KIF17: variants seen among roughly 807,000 people sequenced by gnomAD.
The protein encoded by KIF17 is kinesin family member 17.
Under a neutral mutation model 96.8 loss-of-function variants are expected in KIF17, and 80 were observed. The observed-to-expected ratio is 0.83, with a 90% CI of 0.69 to 1.00. The LOEUF is 1.00. Ranked by LOEUF, KIF17 falls within the 50% of genes least tolerant of loss-of-function variation. The pLI is 0.00. For missense variants in KIF17, 1,280 were observed against 1,372.9 expected (o/e 0.93, Z 1.07); for synonymous variants, 567 against 587.5 (o/e 0.97, Z 0.51).
chr1:20,707,787 A>ATGTATGTGTGTGTGTGTGTG (rs2054367537), intron 4 of KIF17, among the ~76,000 whole-genome samples: 1 of 124,568 alleles, frequency 8.0e-6, no homozygotes, highest in Admixed American at 8.8e-5. Context: ...ACCAATGTGT[A>ATGTATGTGTGTGTGTGTGTG]TGTGTGTGTG....
At chr1:20,688,045 TTTTTTTTTTG>T (rs1045076667) in intron 7 of KIF17, 101 bp from the exon 8 acceptor site, 3 of 956,832 alleles carry the variant, frequency 3.1e-6, no homozygotes, top group African/African-American at 3.5e-5. Context: ...TTTTTGTTTG[TTTTTTTTTTG>T]TTTTTTTTTG....
rs747529545 is a variant in KIF17 at position 20,717,707 on chromosome 1, G to A, written c.-1C>T. 1.4e-5 allele frequency: 22 copies of A among 1,577,330 alleles called. No individual in the cohort carries two copies. Among genetic ancestry groups the A allele is most frequent in the South Asian group, 7.9e-5 (7 of 88,594 alleles). On this transcript the variant is annotated 5_prime_UTR_variant, in exon 1 of 15. Coordinates refer to ENST00000400463, the MANE Select transcript of KIF17 (RefSeq NM_001122819.3). Reference sequence around the variant, plus strand: ...CAACCTTCACCGCCTCGGAGGCCATGGCGCCGCGCCCAGGACCAACGGGAC... The same window carrying A: ...CAACCTTCACCGCCTCGGAGGCCATAGCGCCGCGCCCAGGACCAACGGGAC...
intron 4 of KIF17, among the ~76,000 whole-genome samples, chr1:20,706,195 T>C (rs1215563289): frequency 6.6e-6 from 1 of 150,558 alleles, no homozygotes; most frequent in Admixed American, 6.6e-5. Context: ...CATGAGCCAC[T>C]GTGCCCAGAC....
Position 20,672,054 on chromosome 1 carries a change from C to T in KIF17, c.2606G>A (p.Arg869His), listed in dbSNP as rs772247964. ...QLLEQVQPLIRRDCNYSNLEK... is the reference protein window; with the variant it reads ...QLLEQVQPLIHRDCNYSNLEK... ...CAGGTTGCTGTAGTTACAGTCCCTG[C>T]GAATCAGGGGCTGCACCTGCTCCAG... Residue 869 changes from arginine (R) to histidine (H), a missense_variant, in exon 12 of 15, where the codon CGC (arginine) becomes CAC (histidine). By Grantham distance (29) the Arg-to-His change is conservative. Coordinates refer to ENST00000400463, the MANE Select transcript of KIF17 (RefSeq NM_001122819.3). This position sits in a 1 kb window ranked among gnomAD's most constrained non-coding sequence, Gnocchi z 4.3. The T allele has an allele frequency of 5.0e-6, 8 of 1,614,022 alleles. No homozygotes were observed. The highest frequency in any genetic ancestry group is 1.7e-4 in the Middle Eastern group (1 of 6,048).
chr1:20,673,365 A>G (rs2053681496), intron 11 of KIF17, among the ~76,000 whole-genome samples: 1 of 148,290 alleles, frequency 6.7e-6, no homozygotes, highest in Non-Finnish European at 1.5e-5. Flanking sequence ...TGGATTAACA[A>G]TGTTCCATTT....
At position 20,704,631 on chromosome 1, in the gene KIF17, C is replaced by T. The variant is rs747253875; in HGVS notation, c.939G>A (p.Ser313=). The change falls in exon 5 of 15, where the codon TCG becomes TCA. Residue 313 remains serine (S), a synonymous_variant. Transcript: ENST00000400463. The surrounding 1 kb of genome is among the most constrained non-coding windows in gnomAD (Gnocchi z 6.8). ...TCTCATCGTAGTTGTTGTCCGCAGG[C>T]GACAGGCAGGCCACCATGAGCGTCT... ...NTKTLMVACL[S]PADNNYDETL... is the part of the protein sequence containing the mutation. 35 of 1,613,974 alleles carry T rather than the reference C, an allele frequency of 2.2e-5. No individual in the cohort carries two copies. Among genetic ancestry groups the T allele is most frequent in the Admixed American group, 3.3e-5 (2 of 60,010 alleles).
At chr1:20,686,693 T>A (rs1212128504) in intron 8 of KIF17, among the ~76,000 whole-genome samples, 2 of 152,062 alleles carry the variant, frequency 1.3e-5, no homozygotes, top group Non-Finnish European at 2.9e-5. Flanking sequence ...GTAGCTGGGA[T>A]TACAGGTGCA....
chr1:20,689,536 A>G (rs1010295543), intron 7 of KIF17, among the ~76,000 whole-genome samples: 4 of 152,162 alleles, frequency 2.6e-5, no homozygotes, highest in Non-Finnish European at 4.4e-5. Context: ...CTGTAATCCC[A>G]GCTACTCAGG....
intron 5 of KIF17, among the ~76,000 whole-genome samples, chr1:20,702,951 G>A (rs1557600628): frequency 6.6e-6 from 1 of 152,208 alleles, no homozygotes; most frequent in African/African-American, 2.4e-5. Context: ...TACCCAGCAC[G>A]TGTCCACACA....
At chr1:20,703,170 G>GATGGATGGATGA (rs543397456) in intron 5 of KIF17, among the ~76,000 whole-genome samples, 7 of 145,088 alleles carry the variant, frequency 4.8e-5, no homozygotes, top group South Asian at 4.3e-4. Flanking sequence ...GATGGAGATG[G>GATGGATGGATGA]ATGGATGAAT....
chr1:20,670,369 G>C, intron 13 of KIF17, 52 bp downstream of exon 13: 1 of 1,549,772 alleles, frequency 6.5e-7, no homozygotes, highest in Non-Finnish European at 8.9e-7. Flanking sequence ...CAGCACTGGG[G>C]GCAAAGCCCT....
At position 20,709,627 on chromosome 1, in the gene KIF17, G is replaced by A. The variant is rs2054401582; in HGVS notation, c.670+12C>T. The A allele has an allele frequency of 6.2e-7, 1 of 1,613,712 alleles. No individual in the cohort carries two copies. Among genetic ancestry groups the A allele is most frequent in the African/African-American group, 1.3e-5 (1 of 75,004 alleles). ...CATCTGTCCCCCTGCCCCCAACAAT[G>A]GCCTCGCATACCCACGGCAGACATC... On this transcript the variant is annotated intron_variant, in intron 4 of 14. Transcript: ENST00000400463. The surrounding 1 kb of genome is among the most constrained non-coding windows in gnomAD (Gnocchi z 4.7).
At chr1:20,667,103 C>G (rs1345550774) in intron 13 of KIF17, among the ~76,000 whole-genome samples, 2 of 152,166 alleles carry the variant, frequency 1.3e-5, no homozygotes, top group African/African-American at 4.8e-5. Flanking sequence ...TGGACTGGTA[C>G]CAGTCCCTGG....
intron 11 of KIF17, among the ~76,000 whole-genome samples, chr1:20,679,336 C>A (rs989036241): frequency 6.6e-6 from 1 of 151,944 alleles, no homozygotes; most frequent in Non-Finnish European, 1.5e-5. Context: ...AAAAATTAGC[C>A]AGGCGTGGTG....
chr1:20,714,085 T>C (rs1365683325), intron 2 of KIF17, among the ~76,000 whole-genome samples: 4 of 152,124 alleles, frequency 2.6e-5, no homozygotes, highest in Non-Finnish European at 4.4e-5. Flanking sequence ...CCCAGCACTT[T>C]GGGAGGCCAA....
Position 20,717,855 on chromosome 1 carries a change from CTCGGGGGGCGCCCCG to C in KIF17, c.-164_-150del. ...GGGCCGCGGCGGGGGGCGGGGACCC[CTCGGGGGGCGCCCCG>C]GAGGGGAGCTGGGCGTCGCAGGACC... On this transcript the variant is annotated 5_prime_UTR_variant, in exon 1 of 15. Transcript: ENST00000400463. 2 of 526,366 alleles carry C rather than the reference CTCGGGGGGCGCCCCG, an allele frequency of 3.8e-6. No individual in the cohort carries two copies. The highest frequency in any genetic ancestry group is 4.6e-6 in the Non-Finnish European group (2 of 437,408). 32.6% of individuals were successfully genotyped at this position (526,366 alleles called of 1,614,324 possible).
At chr1:20,695,091 G>T (rs1038234940) in intron 6 of KIF17, among the ~76,000 whole-genome samples, 1 of 151,478 alleles carries the variant, frequency 6.6e-6, no homozygotes, top group African/African-American at 2.4e-5. Context: ...TGCACCCTCA[G>T]GCACACATGC....
chr1:20,698,308 G>T, intron 6 of KIF17, 71 bp downstream of exon 6: 1 of 1,067,476 alleles, frequency 9.4e-7, no homozygotes, highest in Non-Finnish European at 1.5e-6. Context: ...GACCCCAGCG[G>T]CAGCCCTGCC....
intron 12 of KIF17, among the ~76,000 whole-genome samples, chr1:20,671,296 G>T (rs1157313079): frequency 6.6e-6 from 1 of 152,126 alleles, no homozygotes; most frequent in Non-Finnish European, 1.5e-5. Flanking sequence ...CTGCTGTAAG[G>T]GTTTTCTGTG....
Sources: allele counts gnomAD v4.1 joint callset (sites outside exome capture counted in the v4.1 genomes callset), GRCh38; gene constraint gnomAD v4.1.1; non-coding constraint Gnocchi (gnomAD v3.1); transcripts MANE v1.5; gene names NCBI Gene and HGNC (gene_info 2026-07-23, HGNC 2026-07-21).